LMO7: variants seen among roughly 807,000 people sequenced by gnomAD.
LMO7 encodes LIM domain 7.
Under a neutral mutation model 206.5 loss-of-function variants are expected in LMO7, and 120 were observed. The observed-to-expected ratio is 0.58, with a 90% CI of 0.50 to 0.68. LMO7 has a LOEUF of 0.68. Ranked by LOEUF, LMO7 falls within the 30% of genes least tolerant of loss-of-function variation. LMO7 has a pLI of 0.00. For synonymous variants in LMO7, 706 were observed against 681.5 expected (o/e 1.04, Z -0.56); for missense variants, 1,959 against 1,957.9 (o/e 1.00, Z -0.01).
intron 3 of LMO7, among the ~76,000 whole-genome samples, chr13:75,743,751 A>C (rs1422524002): frequency 6.6e-6 from 1 of 152,086 alleles, no homozygotes; most frequent in Admixed American, 6.6e-5. Flanking sequence ...AATGAGTGCT[A>C]GGCTTAGTAC....
intron 1 of LMO7, among the ~76,000 whole-genome samples, chr13:75,662,870 A>G (rs2038735192): frequency 6.6e-6 from 1 of 152,266 alleles, no homozygotes; most frequent in Admixed American, 6.5e-5. Context: ...TACATAACTC[A>G]TGTTGGTGGT....
At position 75,654,090 on chromosome 13, in the gene LMO7, A is replaced by G. The variant is rs192801962; in HGVS notation, c.69+17364A>G. Among the ~76,000 whole-genome samples the G allele has an allele frequency of 1.9e-3, 288 of 152,298 alleles. 1 individual carries two copies. The highest frequency in any genetic ancestry group is 6.6e-3 in the South Asian group (32 of 4,826). On this transcript the variant is annotated intron_variant, in intron 1 of 30. Coordinates refer to ENST00000377534, the MANE Select transcript of LMO7 (RefSeq NM_001306080.2). ...ACACTATCTTCTACCCTTTCCCCAA[A>G]TAAGAAATTTGGAATGTATATTAAA...
At chr13:75,754,779 A>G (rs2139531998) in intron 3 of LMO7, among the ~76,000 whole-genome samples, 2 of 152,288 alleles carry the variant, frequency 1.3e-5, no homozygotes, top group South Asian at 4.1e-4. Flanking sequence ...TTGGAAGGAA[A>G]ATGGGTTGAA....
intron 1 of LMO7, among the ~76,000 whole-genome samples, chr13:75,658,929 A>G (rs117191335): frequency 1.7e-3 from 255 of 152,272 alleles, no homozygotes; most frequent in Non-Finnish European, 3.1e-3. Flanking sequence ...GAAAAATGCT[A>G]TTGAGAAGTT....
In LMO7 at chr13:75,703,739, T is replaced by TGTGTGTGTGTGTGCGC. The variant is rs57290262; in HGVS notation, c.70-9442_70-9441insTGTGTGTGTGTGCGCG. Among the ~76,000 whole-genome samples, 1,121 of 151,758 alleles carry TGTGTGTGTGTGTGCGC rather than the reference T, an allele frequency of 7.4e-3. 15 individuals carry two copies. Among genetic ancestry groups the TGTGTGTGTGTGTGCGC allele is most frequent in the African/African-American group, 0.025 (1,024 of 41,248 alleles). Reference sequence around the variant, plus strand: ...TTGTGTGTGTGTGTGTGTGTGTGTGTGCACTGTGAGGACAGTTTAAAAAGT... The same window carrying TGTGTGTGTGTGTGCGC: ...TTGTGTGTGTGTGTGTGTGTGTGTGTGTGTGTGTGTGTGCGCGCACTGTGAGGACAGTTTAAAAAGT... On this transcript the variant is annotated intron_variant, in intron 1 of 30. Coordinates refer to ENST00000377534, the MANE Select transcript of LMO7 (RefSeq NM_001306080.2).
At chr13:75,843,943 T>C (rs2059759455) in intron 25 of LMO7, among the ~76,000 whole-genome samples, 1 of 152,128 alleles carries the variant, frequency 6.6e-6, no homozygotes, top group African/African-American at 2.4e-5. Context: ...GGGCTGACAA[T>C]AAGCTAAAGA....
At chr13:75,827,319 C>T (rs2058212258) in intron 15 of LMO7, among the ~76,000 whole-genome samples, 1 of 152,122 alleles carries the variant, frequency 6.6e-6, no homozygotes. Context: ...CTATGGTGTT[C>T]CCTAGAGTTA....
chr13:75,826,090 T>C (rs1595344677), intron 15 of LMO7, among the ~76,000 whole-genome samples: 1 of 152,022 alleles, frequency 6.6e-6, no homozygotes, highest in African/African-American at 2.4e-5. Flanking sequence ...GCCCAGGCTG[T>C]AGTGCAGTGG....
rs374354733 is a variant in LMO7, at chr13:75,842,084, C to T, written c.4031+101C>T. 9.3e-5 allele frequency: 79 copies of T among 846,032 alleles called. No individual in the cohort carries two copies. The South Asian group carries it at 1.4e-3, about 15-fold the overall frequency. 52.4% of individuals were successfully genotyped at this position (846,032 alleles called of 1,614,324 possible). Reference sequence around the variant, plus strand: ...CCTGTTTCCTACCACCCATTCTCCACACAAGTGAATACAAGCCACCAAAGA... The same window carrying T: ...CCTGTTTCCTACCACCCATTCTCCATACAAGTGAATACAAGCCACCAAAGA... On this transcript the variant is annotated intron_variant, in intron 24 of 30. Coordinates refer to ENST00000377534, the MANE Select transcript of LMO7 (RefSeq NM_001306080.2).
chr13:75,729,731 T>A (rs1356936071), intron 3 of LMO7, among the ~76,000 whole-genome samples: 1 of 151,800 alleles, frequency 6.6e-6, no homozygotes, highest in South Asian at 2.1e-4. Flanking sequence ...TGCTTCCAGT[T>A]TTTGCCCATT....
At chr13:75,755,409 C>T (rs555938780) in intron 3 of LMO7, among the ~76,000 whole-genome samples, 7 of 152,206 alleles carry the variant, frequency 4.6e-5, no homozygotes, top group Admixed American at 1.3e-4. Context: ...CTATTCTCTT[C>T]TGCTTTTCTT....
chr13:75,819,308 A>T, intron 12 of LMO7, 85 bp from the exon 13 acceptor site: 1 of 1,441,892 alleles, frequency 6.9e-7, no homozygotes, highest in South Asian at 1.5e-5. Context: ...TCAGTGATGT[A>T]ATAAGATACT....
At chr13:75,794,998 G>GTT (rs1419132466) in intron 4 of LMO7, among the ~76,000 whole-genome samples, 1 of 151,814 alleles carries the variant, frequency 6.6e-6, no homozygotes, top group Non-Finnish European at 1.5e-5. Context: ...TGTTTTTAAG[G>GTT]TTTTTTTCCC....
intron 4 of LMO7, 150 bp from the exon 5 acceptor site, chr13:75,795,251 G>A (rs2053829244): frequency 1.8e-6 from 1 of 550,188 alleles, no homozygotes. Context: ...AAATTCTTCT[G>A]ATGGAGATAA....
intron 4 of LMO7, among the ~76,000 whole-genome samples, chr13:75,793,869 AT>A: frequency 6.6e-6 from 1 of 152,052 alleles, no homozygotes; most frequent in Middle Eastern, 3.4e-3. Context: ...TTCTAACAGC[AT>A]TTTTTTATTC....
At chr13:75,628,190 G>T (rs2034461323) in intron 2 of LMO7, 1 of 152,174 alleles carries the variant, frequency 6.6e-6, no homozygotes, top group Non-Finnish European at 1.5e-5. Context: ...ACAAATTTAG[G>T]ACCCTTGCCT....
intron 1 of LMO7, among the ~76,000 whole-genome samples, chr13:75,699,873 C>T (rs572456929): frequency 6.6e-5 from 10 of 152,300 alleles, no homozygotes; most frequent in East Asian, 5.8e-4. Context: ...AGCCTGGGGG[C>T]GCTGCAGGAG....
At chr13:75,755,981 CA>C (rs1461333593) in intron 3 of LMO7, among the ~76,000 whole-genome samples, 1 of 152,186 alleles carries the variant, frequency 6.6e-6, no homozygotes, top group Admixed American at 6.5e-5. Context: ...TGAAAATTGT[CA>C]GTCTCTTTAG....
At chr13:75,699,418 T>TG (rs541385533) in intron 1 of LMO7, among the ~76,000 whole-genome samples, 7,138 of 151,848 alleles carry the variant, frequency 0.047, 310 homozygotes, top group African/African-American at 0.11. Context: ...TTTTTTTTTT[T>TG]TTTTACTGTA....
Sources: gnomAD v4.1 joint callset for allele counts (sites outside exome capture counted in the v4.1 genomes callset) on GRCh38, gnomAD v4.1.1 for gene constraint, MANE v1.5 for transcripts, NCBI Gene and HGNC (gene_info 2026-07-23, HGNC 2026-07-21) for gene names.